The following RNGTT variants were observed in gnomAD, a reference collection of about 807,000 sequenced individuals.
RNGTT encodes the protein RNA guanylyltransferase and 5'-phosphatase, also known as mRNA-capping enzyme.
Under a neutral mutation model 79.3 loss-of-function variants are expected in RNGTT, and 33 were observed. That is an observed-to-expected ratio of 0.42 (90% CI 0.32 to 0.56). The LOEUF is 0.56. Among genes scored for constraint, RNGTT ranks in the 20% least tolerant of loss-of-function variants. RNGTT has a pLI of 0.17. For missense variants in RNGTT, 497 were observed against 739.1 expected (o/e 0.67, Z 3.80); for synonymous variants, 222 against 235.9 (o/e 0.94, Z 0.54).
intron 14 of RNGTT, among the ~76,000 whole-genome samples, chr6:88,673,351 A>T (rs1042978986): frequency 1.3e-5 from 2 of 152,256 alleles, no homozygotes; most frequent in African/African-American, 4.8e-5. Flanking sequence ...AAGTGAACAT[A>T]ACAAATACTG....
chr6:88,789,588 TC>T (rs1362140310), intron 12 of RNGTT, among the ~76,000 whole-genome samples: 4 of 152,200 alleles, frequency 2.6e-5, no homozygotes, highest in African/African-American at 9.7e-5. Context: ...AGATATATCT[TC>T]TTTTTTCAAC....
Position 88,766,375 on chromosome 6 carries a change from A to C in RNGTT, c.1439+3399T>G, listed in dbSNP as rs77098798. ...ACTACTTTTGTAATTCTAGCTTTTG[A>C]CAATGACCATGGTTTTAGGTCACAA... On this transcript the variant is annotated intron_variant, in intron 13 of 15. Coordinates refer to ENST00000369485, the MANE Select transcript of RNGTT (RefSeq NM_003800.5). 1.6e-4 allele frequency among the ~76,000 whole-genome samples: 24 copies of C among 152,286 alleles called. No individual in the cohort carries two copies. The South Asian group carries it at 2.9e-3, about 18-fold the overall frequency.
chr6:88,956,713 C>G (rs1476506979), intron 1 of RNGTT, among the ~76,000 whole-genome samples: 1 of 152,084 alleles, frequency 6.6e-6, no homozygotes. Flanking sequence ...AGTTTCATAC[C>G]AGAGATGCAG....
chr6:88,656,466 G>A (rs920682259), intron 14 of RNGTT, among the ~76,000 whole-genome samples: 2 of 151,832 alleles, frequency 1.3e-5, no homozygotes, highest in African/African-American at 4.8e-5. Context: ...AATTTTCTCT[G>A]AAAACTTAAT....
intron 8 of RNGTT, among the ~76,000 whole-genome samples, chr6:88,872,401 C>A (rs1204792442): frequency 6.6e-6 from 1 of 151,970 alleles, no homozygotes; most frequent in African/African-American, 2.4e-5. Context: ...CGACATTGAA[C>A]CATAATCACC....
At chr6:88,818,000 C>T (rs1780378424) in intron 11 of RNGTT, among the ~76,000 whole-genome samples, 1 of 151,662 alleles carries the variant, frequency 6.6e-6, no homozygotes, top group South Asian at 2.1e-4. Context: ...ACCTCGTGAT[C>T]CGCCCGTCTC....
intron 8 of RNGTT, among the ~76,000 whole-genome samples, chr6:88,857,111 A>G (rs1416150499): frequency 6.6e-6 from 1 of 152,152 alleles, no homozygotes; most frequent in African/African-American, 2.4e-5. Flanking sequence ...GTTTTCTACC[A>G]AAACTGGAAA....
chr6:88,790,381 A>T (rs1462721337), intron 12 of RNGTT, among the ~76,000 whole-genome samples: 2 of 152,180 alleles, frequency 1.3e-5, no homozygotes. Flanking sequence ...AAGGCAGGAG[A>T]TATGTTTATT....
intron 4 of RNGTT, among the ~76,000 whole-genome samples, chr6:88,923,008 C>T (rs1426830285): frequency 6.6e-6 from 1 of 152,170 alleles, no homozygotes; most frequent in Non-Finnish European, 1.5e-5. Flanking sequence ...TCCCATATGT[C>T]TTGTAAATTG....
rs143297444 is a variant in RNGTT at position 88,722,762 on chromosome 6, C to T, written c.1440-44343G>A. Among the ~76,000 whole-genome samples, 711 of 152,242 alleles carry T rather than the reference C, an allele frequency of 4.7e-3. 5 individuals are homozygous for T. Among genetic ancestry groups the T allele is most frequent in the African/African-American group, 0.016 (646 of 41,548 alleles). On this transcript the variant is annotated intron_variant, in intron 13 of 15. Transcript: ENST00000369485. The stretch of plus-strand genomic sequence containing the variant: ...GTAACTATAGTCATGAGCCTCATAA[C>T]AATGTTTGGAACAACGATATACGGT...
chr6:88,962,023 AT>A (rs1481246616), intron 1 of RNGTT, among the ~76,000 whole-genome samples: 1 of 152,238 alleles, frequency 6.6e-6, no homozygotes, highest in African/African-American at 2.4e-5. Context: ...TATCAAATTA[AT>A]TATGCTGAGT....
At chr6:88,718,161 C>A (rs896656225) in intron 13 of RNGTT, among the ~76,000 whole-genome samples, 1 of 151,850 alleles carries the variant, frequency 6.6e-6, no homozygotes. Context: ...GGGAGGCAGG[C>A]GGATTACTTG....
chr6:88,821,981 T>C (rs930319098), intron 11 of RNGTT, among the ~76,000 whole-genome samples: 1 of 152,034 alleles, frequency 6.6e-6, no homozygotes, highest in African/African-American at 2.4e-5. Context: ...AATAAATAAG[T>C]TGAAAACAAA....
Position 88,653,038 on chromosome 6 carries a change from A to G in RNGTT, c.1506+25315T>C, listed in dbSNP as rs541411432. On this transcript the variant is annotated intron_variant, in intron 14 of 15. Coordinates refer to ENST00000369485, the MANE Select transcript of RNGTT (RefSeq NM_003800.5). The stretch of plus-strand genomic sequence containing the variant: ...GGCATTATTTATCAGACATGACTTC[A>G]GCAATAGGGATTTTTACATAATCTT... Among the ~76,000 whole-genome samples the G allele has an allele frequency of 4.1e-4, 62 of 152,314 alleles. 1 individual carries two copies. Among genetic ancestry groups the G allele is most frequent in the South Asian group, 8.3e-4 (4 of 4,824 alleles).
chr6:88,769,872 T>C lies in RNGTT; in HGVS notation c.1341A>G (p.Lys447=), dbSNP rs1333931536. ...TATCATCACATCGACCAGGTTTGTA[T>C]TTCTAAAGCCAATTAAAATGATGAC... ...MDGLIFQPTG[K]YKPGRCDDIL... is the part of the protein sequence containing the mutation. Residue 447 remains lysine, a splice_region_variant and synonymous_variant, in exon 13 of 16, where the codon AAA becomes AAG. Coordinates refer to ENST00000369485, the MANE Select transcript of RNGTT (RefSeq NM_003800.5). 6.2e-7 allele frequency: 1 copy of C among 1,602,534 alleles called. No individual in the cohort carries two copies. The highest frequency in any genetic ancestry group is 8.5e-7 in the Non-Finnish European group (1 of 1,171,076).
chr6:88,895,452 T>C (rs998497939), intron 6 of RNGTT, among the ~76,000 whole-genome samples: 1 of 151,978 alleles, frequency 6.6e-6, no homozygotes, highest in African/African-American at 2.4e-5. Flanking sequence ...ATAAAGAAGG[T>C]GTCTTAGGAA....
At chr6:88,821,857 A>G (rs1009117517) in intron 11 of RNGTT, among the ~76,000 whole-genome samples, 1 of 151,840 alleles carries the variant, frequency 6.6e-6, no homozygotes, top group Non-Finnish European at 1.5e-5. Flanking sequence ...AGAAATGTTT[A>G]TAACTGATGA....
At chr6:88,826,511 C>A (rs1031162634) in intron 11 of RNGTT, among the ~76,000 whole-genome samples, 4 of 152,002 alleles carry the variant, frequency 2.6e-5, no homozygotes, top group African/African-American at 9.7e-5. Context: ...CGGCCAGGTG[C>A]GGTGGCTTAC....
chr6:88,622,660 A>G (rs1772480378), intron 14 of RNGTT, among the ~76,000 whole-genome samples: 1 of 152,098 alleles, frequency 6.6e-6, no homozygotes, highest in Admixed American at 6.6e-5. Flanking sequence ...ACAAGTCCCT[A>G]GGGGCTGGTA....
Sources: gnomAD v4.1 joint callset for allele counts (sites outside exome capture counted in the v4.1 genomes callset) on GRCh38, gnomAD v4.1.1 for gene constraint, MANE v1.5 for transcripts, NCBI Gene and HGNC (gene_info 2026-07-23, HGNC 2026-07-21) for gene names.